The following RTN2 variants were observed in gnomAD, a reference collection of about 807,000 sequenced individuals.
RTN2 encodes the protein reticulon-2.
Under a neutral mutation model 63.7 loss-of-function variants are expected in RTN2, and 36 were observed. The observed-to-expected ratio is 0.56, with a 90% confidence interval of 0.43 to 0.75. The LOEUF (loss-of-function observed/expected upper bound fraction) is 0.75. Among genes scored for constraint, RTN2 ranks in the 30% least tolerant of loss-of-function variants. The pLI, the probability that RTN2 is intolerant of heterozygous loss-of-function variation, is 0.00. For missense variants in RTN2, 673 were observed against 705.1 expected, an observed-to-expected ratio of 0.95 and a Z score of 0.52; for synonymous variants, 312 against 313.0, an observed-to-expected ratio of 1.00 and a Z score of 0.03.
Position 45,494,370 on chromosome 19 carries a change from T to A in RTN2, c.610A>T (p.Thr204Ser). 1.9e-6 allele frequency: 3 copies of A among 1,612,812 alleles called. No individual in the cohort carries two copies. In the South Asian group the frequency reaches 3.3e-5, roughly 18 times the overall value. Residue 204 changes from threonine to serine, a missense_variant, in exon 4 of 11, where the codon ACT (threonine) becomes TCT (serine). By Grantham distance (58) the Thr-to-Ser change is moderately conservative. Coordinates refer to ENST00000245923, the MANE Select transcript of RTN2 (RefSeq NM_005619.5). The surrounding 1 kb of genome is among the most constrained non-coding windows in gnomAD (Gnocchi z 5.3). ...LAQPSSPEVL[T>S]PQLSPGSGTP... Reference sequence around the variant, plus strand: ...CCAGAGCCCGGACTGAGCTGGGGAGTCAAGACCTCGGGCGATGAGGGCTGA... The same window carrying A: ...CCAGAGCCCGGACTGAGCTGGGGAGACAAGACCTCGGGCGATGAGGGCTGA...
Position 45,494,151 on chromosome 19 carries a change from A to T in RTN2, c.814+15T>A, listed in dbSNP as rs1968219841. The T allele has an allele frequency of 6.3e-7, 1 of 1,599,570 alleles. No homozygotes were observed. The highest frequency in any genetic ancestry group is 8.5e-7 in the Non-Finnish European group (1 of 1,179,286). ...TTCTGTGGGCCAATGCAGCATCTTC[A>T]TACACGTTGCTTACCTAGAAGGCGT... On this transcript the variant is annotated intron_variant, in intron 4 of 10. Coordinates refer to ENST00000245923, the MANE Select transcript of RTN2 (RefSeq NM_005619.5). The surrounding 1 kb of genome is among the most constrained non-coding windows in gnomAD (Gnocchi z 5.3).
chr19:45,493,090 G>T, intron 5 of RTN2, 70 bp downstream of exon 5: 1 of 1,389,276 alleles, frequency 7.2e-7, no homozygotes, highest in Non-Finnish European at 1.0e-6. Context: ...CGGATGTGCA[G>T]GAGATAAGGG....
intron 5 of RTN2, 42 bp downstream of exon 5, chr19:45,493,118 C>T (rs1968196259): frequency 6.3e-7 from 1 of 1,576,222 alleles, no homozygotes; most frequent in African/African-American, 1.4e-5. Flanking sequence ...GGACCCCGTT[C>T]CGCCGACCTC....
intron 9 of RTN2, 87 bp from the exon 10 acceptor site, chr19:45,486,200 C>A: frequency 2.5e-6 from 3 of 1,201,146 alleles, no homozygotes; most frequent in Non-Finnish European, 2.4e-6. Flanking sequence ...CCCCAACCTC[C>A]AAATTAGGAG....
In RTN2 at chr19:45,489,523, C is replaced by G; in HGVS notation, c.1064G>C (p.Arg355Thr). The G allele has an allele frequency of 6.2e-7, 1 of 1,608,322 alleles. No homozygotes were observed. The highest frequency in any genetic ancestry group is 8.5e-7 in the Non-Finnish European group (1 of 1,177,432). ...VADLLYWKDT[R>T]TSGVVFTGLM... is the part of the protein sequence containing the mutation. ...GCCTGTGAAGACCACTCCTGACGTC[C>G]TCGTGTCCTTCCAGTACAGCAGGTC... Residue 355 changes from arginine (R) to threonine (T), a missense_variant, in exon 6 of 11, where the codon AGG becomes ACG. Arg to Thr is a moderately conservative substitution (Grantham distance 71, BLOSUM62 -1). Coordinates refer to ENST00000245923, the MANE Select transcript of RTN2 (RefSeq NM_005619.5).
rs772058826 is a variant in RTN2, at chr19:45,494,860, G to T, written c.225C>A (p.Ser75=). The T allele has an allele frequency of 6.2e-7, 1 of 1,606,166 alleles. No homozygotes were observed. The highest frequency in any genetic ancestry group is 8.5e-7 in the Non-Finnish European group (1 of 1,179,844). ...SYIAFDGVVG[S]GGRRDSTARR... is the part of the protein sequence containing the mutation. ...GGGCAGTTGAATCCCTGCGGCCCCC[G>T]GAGCCCACTACACCATCAAAGGCGA... Residue 75 remains serine (S), a synonymous_variant, in exon 3 of 11, where the codon TCC becomes TCA. Coordinates refer to ENST00000245923, the MANE Select transcript of RTN2 (RefSeq NM_005619.5). The surrounding 1 kb of genome is among the most constrained non-coding windows in gnomAD (Gnocchi z 5.3).
rs532500975 is a variant in RTN2 at position 45,489,452 on chromosome 19, C to T, written c.1135G>A (p.Val379Met). 156 of 1,612,440 alleles carry T rather than the reference C, an allele frequency of 9.7e-5. 3 individuals carry two copies. The highest frequency in any genetic ancestry group is 7.1e-4 in the South Asian group (64 of 90,658). ...LCLLHFSIVSVAAHLALLLLC... is the reference protein window; with the variant it reads ...LCLLHFSIVSMAAHLALLLLC... ...AGCAACAGAGCCAAGTGCGCGGCCACGGACACGATGCTAAAGTGCAGGAGG... is the reference window on the plus strand; with the variant it reads ...AGCAACAGAGCCAAGTGCGCGGCCATGGACACGATGCTAAAGTGCAGGAGG... Residue 379 changes from valine to methionine, a missense_variant, in exon 6 of 11, where the codon GTG (valine) becomes ATG (methionine). Transcript: ENST00000245923.
intron 5 of RTN2, among the ~76,000 whole-genome samples, chr19:45,490,514 C>T (rs1008102622): frequency 6.8e-6 from 1 of 146,766 alleles, no homozygotes; most frequent in Non-Finnish European, 1.5e-5. Flanking sequence ...GGTGGAATTG[C>T]TGGGTGGACT....
rs754128612 is a variant in RTN2 at position 45,494,633 on chromosome 19, G to A, written c.452C>T (p.Ala151Val). ...RLRLDHLGWV[A>V]RGTGSGEDSS... is the part of the protein sequence containing the mutation. ...GTCCTCCCCGGATCCCGTTCCCCGG[G>A]CCACCCAGCCCAGATGGTCCAACCG... The change falls in exon 3 of 11, where the codon GCC (alanine) becomes GTC (valine). Residue 151 changes from alanine (A) to valine (V), a missense_variant. By Grantham distance (64) the Ala-to-Val change is moderately conservative. Coordinates refer to ENST00000245923, the MANE Select transcript of RTN2 (RefSeq NM_005619.5). This position sits in a 1 kb window ranked among gnomAD's most constrained non-coding sequence, Gnocchi z 5.3. 3.1e-6 allele frequency: 5 copies of A among 1,613,742 alleles called. No individual in the cohort carries two copies. The African/African-American group carries it at 5.3e-5, about 17-fold the overall frequency.
chr19:45,496,887 G>A lies in RTN2; in HGVS notation c.-62C>T. On this transcript the variant is annotated 5_prime_UTR_variant, in exon 1 of 11. Transcript: ENST00000245923. ...TCCGGCTGTGCCGCCCTGGGCCCGG[G>A]GTCGCGGGCGCTCATCTCCGCCGCG... 1 of 1,131,384 alleles carries A rather than the reference G, an allele frequency of 8.8e-7. No individual in the cohort carries two copies. Among genetic ancestry groups the A allele is most frequent in the Non-Finnish European group, 1.2e-6 (1 of 846,812 alleles). The allele number at this position is 1,131,384 out of a possible 1,614,324, so 70.1% of individuals were successfully genotyped here.
At chr19:45,485,963 C>T in intron 10 of RTN2, 92 bp downstream of exon 10, 1 of 1,359,954 alleles carries the variant, frequency 7.4e-7, no homozygotes, top group Non-Finnish European at 1.0e-6. Flanking sequence ...GGGACATTAC[C>T]CCAGGAGATT....
rs1183192991 is a variant in RTN2 at position 45,493,280 on chromosome 19, A to G, written c.913T>C (p.Trp305Arg). Residue 305 changes from tryptophan to arginine, a missense_variant, in exon 5 of 11, where the codon TGG becomes CGG. Transcript: ENST00000245923. ...GGGGGGGTGGGGCCCCTTTGGACCC[A>G]GCCAATGGCTGTCCACAGAGGTGGG... is the stretch of plus-strand genomic sequence containing the variant. Reference protein sequence around the residue: ...LSPPLWTAIGWVQRGPTPPTP... With the variant: ...LSPPLWTAIGRVQRGPTPPTP... The G allele has an allele frequency of 3.7e-6, 6 of 1,612,730 alleles. No individual in the cohort carries two copies. The highest frequency in any genetic ancestry group is 3.3e-5 in the South Asian group (3 of 91,056).
chr19:45,491,011 C>T (rs1237203102), intron 5 of RTN2, among the ~76,000 whole-genome samples: 5 of 151,372 alleles, frequency 3.3e-5, no homozygotes, highest in Non-Finnish European at 5.9e-5. Flanking sequence ...CTCAGCCTCC[C>T]GAGTAGCTGG....
chr19:45,486,838 G>A (rs1344157776), intron 9 of RTN2, among the ~76,000 whole-genome samples: 12 of 147,290 alleles, frequency 8.1e-5, no homozygotes, highest in African/African-American at 2.7e-4. Context: ...GGGTTCAAGC[G>A]ATTCTCCTGC....
chr19:45,486,496 A>T (rs796164401), intron 9 of RTN2, among the ~76,000 whole-genome samples: 30 of 151,886 alleles, frequency 2.0e-4, no homozygotes, highest in African/African-American at 6.8e-4. Context: ...CGTGTTTTTT[A>T]AAAAATTATT....
In RTN2 at chr19:45,488,472, T is replaced by G; in HGVS notation, c.1496A>C (p.Gln499Pro). Reference sequence around the variant, plus strand: ...GACAACTGAGGGTGTCACACTCACCTGGTGCTGCCGGTACAGCAGGGGGAT... The same window carrying G: ...GACAACTGAGGGTGTCACACTCACCGGGTGCTGCCGGTACAGCAGGGGGAT... ...FTIPLLYRQH[Q>P]AQIDQYVGLV... The change falls in exon 9 of 11, where the codon CAG becomes CCG. Residue 499 changes from glutamine (Q) to proline (P), a missense_variant and splice_region_variant. Physicochemically the swap from Gln to Pro is moderately conservative, Grantham distance 76. Transcript: ENST00000245923. 6.2e-7 allele frequency: 1 copy of G among 1,613,676 alleles called. No individual in the cohort carries two copies. Among genetic ancestry groups the G allele is most frequent in the Non-Finnish European group, 8.5e-7 (1 of 1,179,802 alleles).
chr19:45,495,181 T>A, intron 1 of RTN2, 42 bp from the exon 2 acceptor site: 3 of 1,609,566 alleles, frequency 1.9e-6, no homozygotes, highest in Non-Finnish European at 2.5e-6. Flanking sequence ...AAGCTTAGAC[T>A]GTCCGAATCA....
At chr19:45,496,311 C>T (rs1399124488) in intron 1 of RTN2, among the ~76,000 whole-genome samples, 1 of 152,260 alleles carries the variant, frequency 6.6e-6, no homozygotes, top group Non-Finnish European at 1.5e-5. Context: ...CCCCAAACCA[C>T]GGATGGCTGT....
Position 45,493,310 on chromosome 19 carries a change from ATTCCAAAAT to A in RTN2, c.874_882del (p.Ile292_Glu294del). ...ATGGCTGTCCACAGAGGTGGGGACA[ATTCCAAAAT>A]TGGAACCGTCTTGTAAACAGCCAAA... On this transcript the variant is annotated inframe_deletion, in exon 5 of 11. Coordinates refer to ENST00000245923, the MANE Select transcript of RTN2 (RefSeq NM_005619.5). 1.9e-6 allele frequency: 3 copies of A among 1,611,780 alleles called. No individual in the cohort carries two copies. Among genetic ancestry groups the A allele is most frequent in the Non-Finnish European group, 2.5e-6 (3 of 1,179,406 alleles).
Sources: allele counts gnomAD v4.1 joint callset (sites outside exome capture counted in the v4.1 genomes callset), GRCh38; gene constraint gnomAD v4.1.1; non-coding constraint Gnocchi (gnomAD v3.1); transcripts MANE v1.5; gene names NCBI Gene and HGNC (gene_info 2026-07-23, HGNC 2026-07-21).